CTNND2: variants seen among roughly 807,000 people sequenced by gnomAD.
CTNND2 encodes the protein catenin delta 2, also known as catenin delta-2.
CTNND2 carries 22 observed loss-of-function variants against 144.4 expected under a neutral mutation model. The observed-to-expected ratio is 0.15, with a 90% CI of 0.11 to 0.22. The LOEUF (loss-of-function observed/expected upper bound fraction) is 0.22. CTNND2 is among the 10% of genes least tolerant of loss of function. CTNND2 has a pLI of 1.00. For missense variants in CTNND2, 1,353 were observed against 1,618.8 expected (o/e 0.84, Z 2.82); for synonymous variants, 751 against 695.6 (o/e 1.08, Z -1.25).
intron 9 of CTNND2, among the ~76,000 whole-genome samples, chr5:11,343,174 C>A (rs1355674769): frequency 2.0e-5 from 3 of 152,162 alleles, no homozygotes; most frequent in Admixed American, 6.5e-5. Context: ...AAAATCCCAA[C>A]CCCTCAGAAC....
intron 1 of CTNND2, among the ~76,000 whole-genome samples, chr5:11,851,988 T>C (rs1795037792): frequency 6.6e-6 from 1 of 152,192 alleles, no homozygotes; most frequent in African/African-American, 2.4e-5. Context: ...AGCTACAAGC[T>C]TCCCTTCACC....
At chr5:11,709,665 T>C (rs962377569) in intron 2 of CTNND2, among the ~76,000 whole-genome samples, 2 of 152,168 alleles carry the variant, frequency 1.3e-5, no homozygotes, top group African/African-American at 4.8e-5. Context: ...GCAGAGAGAA[T>C]TGCTTCCATC....
chr5:11,163,033 C>T (rs1189506348), intron 11 of CTNND2, among the ~76,000 whole-genome samples: 1 of 152,146 alleles, frequency 6.6e-6, no homozygotes, highest in Non-Finnish European at 1.5e-5. Context: ...ACTTTTACTT[C>T]ACTCCTCCCT....
intron 11 of CTNND2, among the ~76,000 whole-genome samples, chr5:11,172,760 T>C (rs1760058464): frequency 6.6e-6 from 1 of 152,064 alleles, no homozygotes; most frequent in Admixed American, 6.5e-5. Flanking sequence ...GAACAGGATG[T>C]CACAAAACTC....
intron 18 of CTNND2, 50 bp downstream of exon 18, chr5:11,017,924 G>C: frequency 7.0e-7 from 1 of 1,435,966 alleles, no homozygotes; most frequent in East Asian, 2.3e-5. Context: ...CGCCTCTCAG[G>C]GTCCCGTGTT....
intron 11 of CTNND2, among the ~76,000 whole-genome samples, chr5:11,192,713 G>C (rs1007753406): frequency 6.6e-5 from 10 of 152,178 alleles, no homozygotes; most frequent in African/African-American, 1.2e-4. Context: ...GTCCCCTAGA[G>C]CGTCCTGAAA....
At chr5:11,879,354 T>TATATATATATATATATATAC (rs1169270632) in intron 1 of CTNND2, among the ~76,000 whole-genome samples, 109 of 139,772 alleles carry the variant, frequency 7.8e-4, no homozygotes, top group African/African-American at 2.4e-3. Context: ...TATATATATA[T>TATATATATATATATATATAC]ATACATATAC....
At chr5:11,194,157 A>G (rs900038341) in intron 11 of CTNND2, among the ~76,000 whole-genome samples, 8 of 152,178 alleles carry the variant, frequency 5.3e-5, no homozygotes, top group Admixed American at 1.3e-4. Context: ...AGAAGCCAGC[A>G]TAGCCCAGGA....
chr5:11,183,830 A>T (rs1260806014), intron 11 of CTNND2, among the ~76,000 whole-genome samples: 4 of 152,106 alleles, frequency 2.6e-5, no homozygotes, highest in Non-Finnish European at 2.9e-5. Flanking sequence ...AAGTGCTGGG[A>T]TTACAGGCTT....
chr5:11,185,227 C>T (rs138558900), intron 11 of CTNND2, among the ~76,000 whole-genome samples: 220 of 152,268 alleles, frequency 1.4e-3, no homozygotes, highest in Middle Eastern at 3.4e-3. Flanking sequence ...TTTCTCTTTC[C>T]TCCTCTAAGC....
intron 3 of CTNND2, among the ~76,000 whole-genome samples, chr5:11,557,260 T>C (rs1394496231): frequency 1.3e-5 from 2 of 152,188 alleles, no homozygotes; most frequent in Non-Finnish European, 1.5e-5. Flanking sequence ...TTTTGTCAAG[T>C]CAGACTTGGC....
chr5:11,034,131 G>A (rs1263222289), intron 16 of CTNND2, among the ~76,000 whole-genome samples: 2 of 152,054 alleles, frequency 1.3e-5, no homozygotes, highest in Non-Finnish European at 2.9e-5. Flanking sequence ...GATAATATTA[G>A]GGGAAAAACA....
rs1738092806 is a variant in CTNND2, at chr5:11,903,700, C to T, written c.37+117G>A. 2.0e-6 allele frequency: 2 copies of T among 983,092 alleles called. No individual in the cohort carries two copies. The highest frequency in any genetic ancestry group is 8.6e-5 in the Admixed American group (2 of 23,320). The allele number at this position is 983,092 out of a possible 1,614,324, so 60.9% of individuals were successfully genotyped here. A position where few individuals can be genotyped will look rare whatever the true frequency, so the allele number is the denominator to read the frequency against. ...GAGGCAGGCAGAAACCCCGCAGCAG[C>T]CGCCGCCGCCGCCTGCCGGCCGGGA... On this transcript the variant is annotated intron_variant, in intron 1 of 21. Transcript: ENST00000304623. The surrounding 1 kb of genome is among the most constrained non-coding windows in gnomAD (Gnocchi z 5.4).
intron 12 of CTNND2, among the ~76,000 whole-genome samples, chr5:11,142,426 G>C (rs946118059): frequency 1.6e-4 from 24 of 152,194 alleles, no homozygotes; most frequent in African/African-American, 5.8e-4. Context: ...TTGAATGCAA[G>C]GGGGATTCTT....
chr5:11,756,551 C>A (rs1369357010), intron 1 of CTNND2, among the ~76,000 whole-genome samples: 1 of 151,498 alleles, frequency 6.6e-6, no homozygotes, highest in Middle Eastern at 3.2e-3. Flanking sequence ...GGGTATTCTG[C>A]TAGTTTTCCC....
At chr5:11,159,031 C>G (rs952242439) in intron 12 of CTNND2, among the ~76,000 whole-genome samples, 8 of 152,212 alleles carry the variant, frequency 5.3e-5, no homozygotes, top group African/African-American at 1.4e-4. Flanking sequence ...GAGAGAATCA[C>G]AAGACATTTG....
chr5:11,123,231 G>A (rs984306032), intron 12 of CTNND2, among the ~76,000 whole-genome samples: 1 of 152,152 alleles, frequency 6.6e-6, no homozygotes, highest in African/African-American at 2.4e-5. Context: ...AGGAGGTAGG[G>A]GGGAGCATCA....
intron 3 of CTNND2, among the ~76,000 whole-genome samples, chr5:11,502,518 TTAAA>T (rs1189607291): frequency 6.6e-6 from 1 of 152,164 alleles, no homozygotes; most frequent in African/African-American, 2.4e-5. Context: ...AATATGATAC[TTAAA>T]TAAATTATTA....
intron 2 of CTNND2, among the ~76,000 whole-genome samples, chr5:11,582,199 G>A (rs190399070): frequency 1.2e-4 from 18 of 152,302 alleles, no homozygotes; most frequent in Non-Finnish European, 2.2e-4. Context: ...TCATTTGGAA[G>A]GGATCATAGA....
Sources: allele counts gnomAD v4.1 joint callset (sites outside exome capture counted in the v4.1 genomes callset), GRCh38; gene constraint gnomAD v4.1.1; non-coding constraint Gnocchi (gnomAD v3.1); transcripts MANE v1.5; gene names NCBI Gene and HGNC (gene_info 2026-07-23, HGNC 2026-07-21).